The following NCOR2 variants were observed in gnomAD, a reference collection of about 807,000 sequenced individuals.
The protein encoded by NCOR2 is nuclear receptor corepressor 2, also known as CTG repeat protein 26.
NCOR2 carries 81 observed loss-of-function variants against 262.9 expected under a neutral mutation model. The observed-to-expected ratio is 0.31, with a 90% CI of 0.26 to 0.37. The LOEUF is 0.37. Among genes scored for constraint, NCOR2 ranks in the 10% least tolerant of loss-of-function variants. The probability of loss-of-function intolerance (pLI) is 1.00; values close to 1 mark genes in which losing one functional copy is unlikely to be tolerated. For synonymous variants in NCOR2, 1,659 were observed against 1,559.3 expected (o/e 1.06, Z -1.51); for missense variants, 3,385 against 3,621.4 (o/e 0.93, Z 1.68).
chr12:124,427,423 C>T (rs181499583), intron 10 of NCOR2, among the ~76,000 whole-genome samples: 75 of 152,324 alleles, frequency 4.9e-4, no homozygotes, highest in African/African-American at 1.8e-3. Context: ...GGCTCTGAGC[C>T]GCCACTCAGC....
intron 4 of NCOR2, among the ~76,000 whole-genome samples, chr12:124,467,865 AC>A (rs1187572548): frequency 5.1e-5 from 2 of 39,330 alleles, no homozygotes; most frequent in African/African-American, 1.2e-4. Flanking sequence ...CATCCTCATC[AC>A]CCCCATCACC....
At chr12:124,381,052 C>T (rs977198470) in intron 17 of NCOR2, among the ~76,000 whole-genome samples, 12 of 152,150 alleles carry the variant, frequency 7.9e-5, no homozygotes, top group African/African-American at 1.4e-4. Flanking sequence ...TGCAAATCAG[C>T]GCATGCCACC....
In NCOR2 at chr12:124,493,051, A is replaced by G. The variant is rs531612649; in HGVS notation, c.105+2096T>C. 3.1e-3 allele frequency among the ~76,000 whole-genome samples: 475 copies of G among 152,350 alleles called. 2 individuals are homozygous for G. Among genetic ancestry groups the G allele is most frequent in the African/African-American group, 0.011 (446 of 41,588 alleles). On this transcript the variant is annotated intron_variant, in intron 1 of 46. Coordinates refer to ENST00000405201, the Ensembl canonical transcript of NCOR2. ...TGGGCCCCACTCACTCCCTGGCCTC[A>G]GCCTCCTGCCTGGAGGGGGCGGTGA...
In NCOR2 at chr12:124,505,664, C is replaced by T. The variant is rs564305165; in HGVS notation, c.-117-10296G>A. Among the ~76,000 whole-genome samples, 17 of 152,282 alleles carry T rather than the reference C, an allele frequency of 1.1e-4. No individual in the cohort carries two copies. The South Asian group carries it at 3.1e-3, about 28-fold the overall frequency. ...TCTCTGAGCTTCACTTGGAAAGATT[C>T]ACTGGAAAAAAGAGCTACAAGAATC... On this transcript the variant is annotated intron_variant, in intron 1 of 46. Transcript: ENST00000404621.
chr12:124,470,725 C>G (rs935283634), intron 4 of NCOR2, among the ~76,000 whole-genome samples: 3 of 151,996 alleles, frequency 2.0e-5, no homozygotes, highest in African/African-American at 7.2e-5. Flanking sequence ...TGGCTGGGAA[C>G]CAGAGAGAGG....
At chr12:124,484,687 C>G (rs1396189452) in intron 2 of NCOR2, among the ~76,000 whole-genome samples, 3 of 152,340 alleles carry the variant, frequency 2.0e-5, no homozygotes, top group Admixed American at 2.0e-4. Context: ...AGCTCCTCCC[C>G]TTCCTGTCAT....
In NCOR2 at chr12:124,389,370, GGGGGAGCGTGGCAGA is replaced by G. The variant is rs1393102521; in HGVS notation, c.1877-3498_1877-3484del. On this transcript the variant is annotated intron_variant, in intron 16 of 46. Transcript: ENST00000405201. The surrounding 1 kb of genome is among the most constrained non-coding windows in gnomAD (Gnocchi z 4.4). ...GCTCGCGGCGGGCGGGCAGGCGGGCGGGGGAGCGTGGCAGAGGCCCAGGTTCACAAGGGGCGGGCC... is the reference window on the plus strand; with the variant it reads ...GCTCGCGGCGGGCGGGCAGGCGGGCGGGCCCAGGTTCACAAGGGGCGGGCC... Among the ~76,000 whole-genome samples, 2 of 152,224 alleles carry G rather than the reference GGGGGAGCGTGGCAGA, an allele frequency of 1.3e-5. No individual in the cohort carries two copies. The highest frequency in any genetic ancestry group is 2.9e-5 in the Non-Finnish European group (2 of 68,028).
upstream of NCOR2, chr12:124,495,390 A>G: frequency 1.4e-6 from 2 of 1,432,154 alleles, no homozygotes; most frequent in Non-Finnish European, 1.8e-6. This position sits in a 1 kb window ranked among gnomAD's most constrained non-coding sequence, Gnocchi z 4.4. Flanking sequence ...CAAGAAAAGA[A>G]AAACAAGATC....
intron 5 of NCOR2, among the ~76,000 whole-genome samples, chr12:124,458,002 G>C (rs941141983): frequency 1.3e-5 from 2 of 152,204 alleles, no homozygotes; most frequent in Non-Finnish European, 2.9e-5. Flanking sequence ...AATTTGCGTG[G>C]GTTTGGGTGC....
chr12:124,410,195 G>C (rs1185755502), intron 13 of NCOR2, among the ~76,000 whole-genome samples: 2 of 147,574 alleles, frequency 1.4e-5, no homozygotes, highest in Non-Finnish European at 3.0e-5. Context: ...AGGCCCCCTC[G>C]ATCCTGACCG....
intron 12 of NCOR2, among the ~76,000 whole-genome samples, 190 bp from the exon 15 acceptor site, chr12:124,420,245 C>T (rs895338922): frequency 1.1e-4 from 17 of 152,224 alleles, no homozygotes; most frequent in South Asian, 2.1e-4. Flanking sequence ...GTACATACTT[C>T]ACAGGATTAT....
chr12:124,335,561 G>A, exon 39 of NCOR2: 1 of 1,609,366 alleles, frequency 6.2e-7, no homozygotes, highest in Non-Finnish European at 8.5e-7. Context: ...CCCTTGTCGT[G>A]GGTCAGACTG....
chr12:124,474,046 T>C (rs746839517), intron 3 of NCOR2, among the ~76,000 whole-genome samples: 1 of 152,196 alleles, frequency 6.6e-6, no homozygotes, highest in Non-Finnish European at 1.5e-5. Context: ...GTCTTCCAAC[T>C]CCCTGTTCGC....
At position 124,529,039 on chromosome 12, in the gene NCOR2, C is replaced by T. The variant is rs563199195; in HGVS notation, c.-118+6526G>A. Among the ~76,000 whole-genome samples the T allele has an allele frequency of 2.0e-4, 30 of 151,974 alleles. No individual in the cohort carries two copies. In the South Asian group the frequency reaches 5.2e-3, roughly 26 times the overall value. On this transcript the variant is annotated intron_variant, in intron 1 of 46. Coordinates refer to the NCOR2 transcript ENST00000404621. ...TACTAAAAATACAAAATTAGCCAGG[C>T]GTGGTGGCGCATGCCTATAATCCCA...
intron 7 of NCOR2, among the ~76,000 whole-genome samples, chr12:124,444,686 G>A (rs2045034053): frequency 1.3e-5 from 2 of 152,044 alleles, no homozygotes; most frequent in African/African-American, 2.4e-5. Flanking sequence ...GCAGGGGAGA[G>A]GAAGAGGGAG....
chr12:124,417,162 G>GGACAGTCACTCCACGGAGAGCAGACCA (rs2042939275), intron 13 of NCOR2, among the ~76,000 whole-genome samples: 1 of 137,344 alleles, frequency 7.3e-6, no homozygotes, highest in African/African-American at 3.0e-5. Context: ...AGAGCAGGCC[G>GGACAGTCACTCCACGGAGAGCAGACCA]GACACTCACT....
In NCOR2 at chr12:124,546,274, G is replaced by A. The variant is rs141429585; in HGVS notation, c.-164-10663C>T. Among the ~76,000 whole-genome samples, 581 of 152,342 alleles carry A rather than the reference G, an allele frequency of 3.8e-3. 2 individuals carry two copies. Among genetic ancestry groups the A allele is most frequent in the African/African-American group, 0.013 (536 of 41,588 alleles). ...ATGCCTGCCTACAGTAAGAGTGAAT[G>A]CCCAGCATACAGTAAGGGCTTAATA... On this transcript the variant is annotated intron_variant, in intron 1 of 32. Transcript: ENST00000458234.
intron 7 of NCOR2, among the ~76,000 whole-genome samples, chr12:124,442,952 G>C (rs865920450): frequency 2.0e-5 from 3 of 152,174 alleles, no homozygotes; most frequent in East Asian, 3.9e-4. Flanking sequence ...CGGGAGTGAC[G>C]CATCTCCCAG....
rs1481371928 is a variant in NCOR2 at position 124,531,096 on chromosome 12, CT to C, written c.-118+4468del. ...GAAGCAGGGACAAAAGGATGGGGCCCTGTGGGGATGGCTGGCCCTGAGGACA... is the reference window on the plus strand; with the variant it reads ...GAAGCAGGGACAAAAGGATGGGGCCCGTGGGGATGGCTGGCCCTGAGGACA... On this transcript the variant is annotated intron_variant, in intron 1 of 46. Coordinates refer to the NCOR2 transcript ENST00000404621. This position sits in a 1 kb window ranked among gnomAD's most constrained non-coding sequence, Gnocchi z 4.5. Among the ~76,000 whole-genome samples the C allele has an allele frequency of 6.6e-6, 1 of 152,242 alleles. No individual in the cohort carries two copies. The highest frequency in any genetic ancestry group is 2.4e-5 in the African/African-American group (1 of 41,454).
Sources: allele counts gnomAD v4.1 joint callset (sites outside exome capture counted in the v4.1 genomes callset), GRCh38; gene constraint gnomAD v4.1.1; non-coding constraint Gnocchi (gnomAD v3.1); transcripts MANE v1.5; gene names NCBI Gene and HGNC (gene_info 2026-07-23, HGNC 2026-07-21).